DMD: variants seen among roughly 807,000 people sequenced by gnomAD.
The protein encoded by DMD is mutant dystrophin.
In DMD, 63 loss-of-function variants were observed where a neutral mutation model predicts 330.1. That is an observed-to-expected ratio of 0.19 (90% CI 0.16 to 0.24). DMD has a LOEUF of 0.24. DMD is among the 10% of genes least tolerant of loss of function. The pLI is 1.00. For missense variants in DMD, 3,344 were observed against 2,684.1 expected (o/e 1.25, Z -5.43); for synonymous variants, 1,223 against 959.8 (o/e 1.27, Z -5.07).
intron 2 of DMD, among the ~76,000 whole-genome samples, chrX:33,009,293 T>C (rs2093529351): frequency 3.1e-5 from 1 of 32,487 alleles, no homozygotes; most frequent in African/African-American, 1.0e-4. Context: ...TATGTGTGTA[T>C]ATGTGTATAT....
intron 48 of DMD, among the ~76,000 whole-genome samples, chrX:31,861,946 TACACACACACACACACAC>T (rs60169449): frequency 1.1e-5 from 1 of 87,966 alleles, no homozygotes; most frequent in African/African-American, 4.4e-5. Context: ...GAAAATAATA[TACACACACACACACACAC>T]ACACACACAC....
intron 2 of DMD, among the ~76,000 whole-genome samples, chrX:32,887,608 C>T (rs1289214472): frequency 1.5e-4 from 16 of 105,968 alleles, no homozygotes; most frequent in Non-Finnish European, 2.5e-4. Flanking sequence ...ATTAGCCGGT[C>T]GTTGTGGTGA....
chrX:31,346,933 G>A (rs886503599), intron 61 of DMD, among the ~76,000 whole-genome samples: 3 of 98,620 alleles, frequency 3.0e-5, no homozygotes, highest in East Asian at 3.2e-4. Flanking sequence ...CCCGGGAGGC[G>A]GAGGTTGCAG....
intron 4 of DMD, among the ~76,000 whole-genome samples, chrX:32,831,397 T>C (rs887994381): frequency 9.9e-5 from 11 of 111,210 alleles, no homozygotes; most frequent in African/African-American, 3.3e-4. Context: ...ATATGATGGT[T>C]TTCTGAAAGA....
intron 9 of DMD, among the ~76,000 whole-genome samples, chrX:32,682,219 T>C (rs1454527692): frequency 8.9e-6 from 1 of 111,900 alleles, no homozygotes; most frequent in East Asian, 2.8e-4. Context: ...TCCCCATGCT[T>C]GGTTCACTGT....
intron 9 of DMD, among the ~76,000 whole-genome samples, chrX:32,675,777 A>G (rs1208936045): frequency 8.9e-6 from 1 of 112,017 alleles, no homozygotes; most frequent in Non-Finnish European, 1.9e-5. Context: ...TGTAAAATGG[A>G]TATATTAACA....
rs367987296 is a variant in DMD, at chrX:31,164,418, G to A, written c.10553+5025C>T. ...GGAAGGACCTCTAATAAACACTGCTGCATTAAAGGATGGACCTGCTGCAAC... is the reference window on the plus strand; with the variant it reads ...GGAAGGACCTCTAATAAACACTGCTACATTAAAGGATGGACCTGCTGCAAC... On this transcript the variant is annotated intron_variant, in intron 74 of 78. Coordinates refer to ENST00000357033, the MANE Select transcript of DMD (RefSeq NM_004006.3). 3.6e-5 allele frequency among the ~76,000 whole-genome samples: 4 copies of A among 111,561 alleles called. No individual in the cohort carries two copies. In the East Asian group the frequency reaches 1.1e-3, roughly 32 times the overall value.
At chrX:33,041,285 G>A in intron 1 of DMD, 1 of 771,407 alleles carries the variant, frequency 1.3e-6, no homozygotes, top group Non-Finnish European at 1.9e-6. Context: ...TGGCCGCGCA[G>A]CCTGCGCATG....
chrX:31,318,260 G>C (rs1294234675), intron 62 of DMD, among the ~76,000 whole-genome samples: 6 of 111,868 alleles, frequency 5.4e-5, no homozygotes, highest in African/African-American at 1.6e-4. Flanking sequence ...GTTCAAACCA[G>C]AATGTAGACC....
intron 1 of DMD, among the ~76,000 whole-genome samples, chrX:33,169,220 A>G (rs1354149445): frequency 8.9e-6 from 1 of 111,861 alleles, no homozygotes; most frequent in Non-Finnish European, 1.9e-5. Context: ...GCAAAAATCA[A>G]TAGCTAGAAA....
At chrX:32,184,119 T>C (rs1194644062) in intron 44 of DMD, among the ~76,000 whole-genome samples, 1 of 110,743 alleles carries the variant, frequency 9.0e-6, no homozygotes, top group Non-Finnish European at 1.9e-5. Flanking sequence ...AAAAATCTTA[T>C]TGATCACCTA....
chrX:32,796,448 G>T (rs1339232547), intron 7 of DMD, among the ~76,000 whole-genome samples: 1 of 111,356 alleles, frequency 9.0e-6, no homozygotes, highest in African/African-American at 3.3e-5. Flanking sequence ...TAAGATACCA[G>T]AGGCTAGGAA....
At chrX:33,199,045 G>A (rs925239046) in intron 1 of DMD, among the ~76,000 whole-genome samples, 13 of 110,653 alleles carry the variant, frequency 1.2e-4, no homozygotes, top group African/African-American at 3.9e-4. Flanking sequence ...AGATAGGAGA[G>A]GTAGGCAGTG....
chrX:31,483,335 C>G (rs1031238871), intron 57 of DMD, among the ~76,000 whole-genome samples: 2 of 111,700 alleles, frequency 1.8e-5, no homozygotes, highest in African/African-American at 3.3e-5. Flanking sequence ...CGTGAGCCAC[C>G]ACGCCCGGCC....
At chrX:32,903,984 G>A (rs2086524354) in intron 2 of DMD, among the ~76,000 whole-genome samples, 1 of 111,795 alleles carries the variant, frequency 8.9e-6, no homozygotes, top group Admixed American at 9.5e-5. Context: ...TTGCTCATAT[G>A]TGAAATGGAA....
chrX:32,682,888 C>T (rs1326571269), intron 9 of DMD, among the ~76,000 whole-genome samples: 2 of 111,874 alleles, frequency 1.8e-5, no homozygotes, highest in Non-Finnish European at 3.8e-5. Context: ...TTTTCTTTCC[C>T]TTTGCGGAGT....
chrX:31,234,072 T>C (rs2047483650), intron 63 of DMD, among the ~76,000 whole-genome samples: 1 of 112,129 alleles, frequency 8.9e-6, no homozygotes, highest in South Asian at 3.8e-4. Flanking sequence ...CAACGGAGGC[T>C]CTGTTACCCT....
chrX:32,322,416 A>T (rs1045428168), intron 41 of DMD, among the ~76,000 whole-genome samples: 1 of 110,524 alleles, frequency 9.0e-6, no homozygotes, highest in Non-Finnish European at 1.9e-5. Flanking sequence ...TTTAAAAATT[A>T]GCCAGTCATG....
At chrX:31,887,993 A>C (rs1474151749) in intron 47 of DMD, among the ~76,000 whole-genome samples, 5 of 112,164 alleles carry the variant, frequency 4.5e-5, no homozygotes, top group Admixed American at 3.8e-4. Context: ...GTCCTTATAC[A>C]TGACATTTCC....
Sources: gnomAD v4.1 joint callset for allele counts (sites outside exome capture counted in the v4.1 genomes callset) on GRCh38, gnomAD v4.1.1 for gene constraint, MANE v1.5 for transcripts, NCBI Gene and HGNC (gene_info 2026-07-23, HGNC 2026-07-21) for gene names.